Variants in INTS7 observed in about 807,000 individuals in gnomAD.
INTS7 encodes integrator complex subunit 7, also known as chromosome 1 open reading frame 73.
A neutral mutation model predicts 109.2 loss-of-function variants in INTS7; 46 were observed. The ratio of observed to expected loss-of-function variants is 0.42; its 90% confidence interval spans 0.33 to 0.54. The LOEUF (loss-of-function observed/expected upper bound fraction) is 0.54. Ranked by LOEUF, INTS7 falls within the 20% of genes least tolerant of loss-of-function variation. INTS7 has a pLI of 0.07. For missense variants in INTS7, 929 were observed against 1,132.4 expected (o/e 0.82, Z 2.58); for synonymous variants, 412 against 402.9 (o/e 1.02, Z -0.27).
intron 15 of INTS7, 121 bp from the exon 16 acceptor site, chr1:211,966,619 T>C (rs1663892599): frequency 1.6e-6 from 1 of 639,212 alleles, no homozygotes; most frequent in South Asian, 1.8e-5. Flanking sequence ...CATAATGTTA[T>C]CAACTCGAAT....
At position 211,968,630 on chromosome 1, in the gene INTS7, G is replaced by C. The variant is rs1664018121; in HGVS notation, c.1893C>G (p.Phe631Leu). ...TATTACAAGTACAGATAAGTTGAGA[G>C]AAGGCTTGTAAAAGGTCAATCCTGA... ...VKLRIDLLQA[F>L]SQLICTCNSL... The change falls in exon 14 of 20, where the codon TTC becomes TTG. Residue 631 changes from phenylalanine to leucine, a missense_variant. This residue lies in a region of INTS7 where 787 missense variants were observed against 901.1 expected (regional missense o/e 0.87). Transcript: ENST00000366994. The C allele has an allele frequency of 6.2e-7, 1 of 1,613,314 alleles. No homozygotes were observed. The highest frequency in any genetic ancestry group is 1.3e-5 in the African/African-American group (1 of 74,710).
chr1:212,031,859 A>G (rs1667180168), intron 1 of INTS7, among the ~76,000 whole-genome samples: 1 of 152,266 alleles, frequency 6.6e-6, no homozygotes, highest in Non-Finnish European at 1.5e-5. Flanking sequence ...CAAAAGGCTC[A>G]GAATAAAGTA....
At chr1:211,972,953 GACT>G (rs1373040903) in intron 13 of INTS7, among the ~76,000 whole-genome samples, 1 of 152,124 alleles carries the variant, frequency 6.6e-6, no homozygotes, top group African/African-American at 2.4e-5. Flanking sequence ...GCCATGCCTG[GACT>G]ACTACTGCTA....
intron 14 of INTS7, 97 bp from the exon 15 acceptor site, chr1:211,968,078 CAA>C: frequency 1.7e-6 from 1 of 600,498 alleles, no homozygotes; most frequent in East Asian, 3.1e-5. Flanking sequence ...CAAACAATAA[CAA>C]TTCAAAAAAA....
Position 211,944,973 on chromosome 1 carries a change from GAATGCCAACACTCAAATA to G in INTS7, c.2416-22_2416-5del. 1 of 1,612,614 alleles carries G rather than the reference GAATGCCAACACTCAAATA, an allele frequency of 6.2e-7. No individual in the cohort carries two copies. The highest frequency in any genetic ancestry group is 8.5e-7 in the Non-Finnish European group (1 of 1,179,024). On this transcript the variant is annotated splice_polypyrimidine_tract_variant and splice_region_variant and intron_variant, in intron 18 of 19. Coordinates refer to ENST00000366994, the MANE Select transcript of INTS7 (RefSeq NM_015434.4). ...GGGGCGATGGTGACAGAGCAAGCTG[GAATGCCAACACTCAAATA>G]AATGCCAACAACCAAGAGCAAGCTT...
In INTS7 at chr1:211,976,487, A is replaced by ATTTTTAGT. The variant is rs775541565; in HGVS notation, c.1608+87_1608+94dup. The ATTTTTAGT allele has an allele frequency of 1.0e-3, 1,202 of 1,148,458 alleles. 3 individuals are homozygous for ATTTTTAGT. The highest frequency in any genetic ancestry group is 1.4e-3 in the Non-Finnish European group (1,123 of 814,578). The allele number at this position is 1,148,458 out of a possible 1,614,324, so 71.1% of individuals were successfully genotyped here. On this transcript the variant is annotated intron_variant, in intron 12 of 19. Coordinates refer to ENST00000366994, the MANE Select transcript of INTS7 (RefSeq NM_015434.4). ...ATGACTAAAAGGTACTTCCATCTTT[A>ATTTTTAGT]TTTTTAGTTTTGACTACAACTAATA... is the stretch of plus-strand genomic sequence containing the variant.
intron 5 of INTS7, among the ~76,000 whole-genome samples, chr1:212,010,038 T>C (rs1335320929): frequency 1.3e-5 from 2 of 152,244 alleles, no homozygotes; most frequent in Non-Finnish European, 2.9e-5. Context: ...CACAGTAGCA[T>C]AAGTGGTTAA....
chr1:211,987,384 G>A (rs1305317535), intron 8 of INTS7, among the ~76,000 whole-genome samples: 4 of 151,898 alleles, frequency 2.6e-5, no homozygotes, highest in Non-Finnish European at 4.4e-5. Context: ...GCTCCTTACC[G>A]GGCATTAATG....
intron 16 of INTS7, among the ~76,000 whole-genome samples, chr1:211,960,793 A>C (rs1316218815): frequency 6.6e-6 from 1 of 152,192 alleles, no homozygotes; most frequent in Admixed American, 6.5e-5. Flanking sequence ...TGGGTCGATC[A>C]CTTGAAGTCA....
intron 1 of INTS7, among the ~76,000 whole-genome samples, chr1:212,022,831 C>T (rs1666767282): frequency 6.6e-6 from 1 of 152,168 alleles, no homozygotes; most frequent in Admixed American, 6.5e-5. Flanking sequence ...CTGGGGTACG[C>T]ATGATCCCAT....
At chr1:212,002,641 TC>T (rs1665722720) in intron 7 of INTS7, among the ~76,000 whole-genome samples, 1 of 152,214 alleles carries the variant, frequency 6.6e-6, no homozygotes, top group African/African-American at 2.4e-5. Context: ...GACATTCCCT[TC>T]TTTAGGTCTT....
rs1393347324 is a variant in INTS7, at chr1:211,987,991, A to G, written c.892T>C (p.Cys298Arg). The G allele has an allele frequency of 1.3e-6, 2 of 1,582,880 alleles. No individual in the cohort carries two copies. Among genetic ancestry groups the G allele is most frequent in the Non-Finnish European group, 1.7e-6 (2 of 1,153,542 alleles). Residue 298 changes from cysteine (C) to arginine (R), a missense_variant, in exon 8 of 20, where the codon TGT becomes CGT. Around this residue, in one of 2 missense-constraint regions of INTS7, gnomAD observed 787 missense variants for 901.1 expected, o/e 0.87. Transcript: ENST00000366994. ...CTGTCATAAGGAGTCTGGAGGGCACACTCACAAAGTGCCTGGAATGCAGAA... is the reference window on the plus strand; with the variant it reads ...CTGTCATAAGGAGTCTGGAGGGCACGCTCACAAAGTGCCTGGAATGCAGAA... ...SRENIQALCE[C>R]ALQTPYDSLK...
chr1:211,996,913 C>A (rs1190682173), intron 7 of INTS7, among the ~76,000 whole-genome samples: 3 of 151,884 alleles, frequency 2.0e-5, no homozygotes, highest in African/African-American at 7.3e-5. Context: ...GGTTTCAGCT[C>A]CTTGGTAGGT....
At chr1:212,027,282 A>G (rs989582384) in intron 1 of INTS7, among the ~76,000 whole-genome samples, 2 of 152,220 alleles carry the variant, frequency 1.3e-5, no homozygotes, top group African/African-American at 4.8e-5. Flanking sequence ...AAGCACTGGA[A>G]AACAGGAGCT....
intron 4 of INTS7, among the ~76,000 whole-genome samples, chr1:212,014,347 C>T (rs1666302252): frequency 6.6e-6 from 1 of 151,638 alleles, no homozygotes; most frequent in African/African-American, 2.4e-5. Flanking sequence ...CGCCTGTAAT[C>T]CCAGCTACTT....
intron 3 of INTS7, among the ~76,000 whole-genome samples, chr1:212,019,016 G>A (rs1347568733): frequency 1.3e-5 from 2 of 152,184 alleles, no homozygotes; most frequent in Non-Finnish European, 2.9e-5. Flanking sequence ...ATGGGAGGCC[G>A]AAGCGGGCAG....
At chr1:212,014,419 T>C (rs1256995575) in intron 4 of INTS7, among the ~76,000 whole-genome samples, 3 of 127,844 alleles carry the variant, frequency 2.3e-5, no homozygotes, top group Non-Finnish European at 3.1e-5. Flanking sequence ...GACCCGAGAT[T>C]GCGCCACTGT....
intron 1 of INTS7, among the ~76,000 whole-genome samples, chr1:212,029,321 T>C (rs1301261052): frequency 6.6e-6 from 1 of 152,220 alleles, no homozygotes; most frequent in Non-Finnish European, 1.5e-5. Context: ...CTGTCTTTGA[T>C]AGGAAACACC....
rs1662637497 is a variant in INTS7 at position 211,941,711 on chromosome 1, C to T, written c.*113G>A. The T allele has an allele frequency of 6.9e-7, 1 of 1,444,128 alleles. No individual in the cohort carries two copies. Among genetic ancestry groups the T allele is most frequent in the African/African-American group, 1.4e-5 (1 of 70,022 alleles). 89.5% of individuals were successfully genotyped at this position (1,444,128 alleles called of 1,614,324 possible). ...TTCCAGAATATTACATTACAAAAATCAATGAATAAATGAACTACACTGTAA... is the reference window on the plus strand; with the variant it reads ...TTCCAGAATATTACATTACAAAAATTAATGAATAAATGAACTACACTGTAA... On this transcript the variant is annotated 3_prime_UTR_variant, in exon 20 of 20. Coordinates refer to ENST00000366994, the MANE Select transcript of INTS7 (RefSeq NM_015434.4).
Sources: allele counts gnomAD v4.1 joint callset (sites outside exome capture counted in the v4.1 genomes callset), GRCh38; gene constraint gnomAD v4.1.1; regional missense constraint gnomAD v4.1.1; transcripts MANE v1.5; gene names NCBI Gene and HGNC (gene_info 2026-07-23, HGNC 2026-07-21).